MRPS27: variants seen among roughly 807,000 people sequenced by gnomAD.
MRPS27 encodes small ribosomal subunit protein mS27.
A neutral mutation model predicts 48.9 loss-of-function variants in MRPS27; 43 were observed. The ratio of observed to expected loss-of-function variants is 0.88; its 90% confidence interval spans 0.69 to 1.13. The LOEUF (loss-of-function observed/expected upper bound fraction) is 1.13. Among genes scored for constraint, MRPS27 ranks in the 50% most tolerant of loss-of-function variants. The pLI is 0.00. For missense variants in MRPS27, 467 were observed against 476.3 expected, an observed-to-expected ratio of 0.98 and a Z score of 0.18; for synonymous variants, 188 against 171.9, an observed-to-expected ratio of 1.09 and a Z score of -0.73.
At chr5:72,250,963 C>T (rs901271341) in intron 4 of MRPS27, among the ~76,000 whole-genome samples, 3 of 152,104 alleles carry the variant, frequency 2.0e-5, no homozygotes, top group Non-Finnish European at 4.4e-5. Flanking sequence ...AAAGTTATAT[C>T]CAGTTTATCT....
At chr5:72,295,295 C>CA (rs566688672) in intron 4 of MRPS27, 163 of 378,338 alleles carry the variant, frequency 4.3e-4, no homozygotes, top group African/African-American at 3.3e-3. Flanking sequence ...GTATACAATA[C>CA]AAAAAAGAGA....
In MRPS27 at chr5:72,223,709, G is replaced by A. The variant is rs1747815920; in HGVS notation, c.979C>T (p.Leu327Phe). 6.2e-7 allele frequency: 1 copy of A among 1,614,002 alleles called. No homozygotes were observed. The highest frequency in any genetic ancestry group is 8.5e-7 in the Non-Finnish European group (1 of 1,179,922). The change falls in exon 10 of 11, where the codon CTT (leucine) becomes TTT (phenylalanine). Residue 327 changes from leucine to phenylalanine, a missense_variant. Transcript: ENST00000261413. ...LDIEETEQSK[L>F]PQYLERFKAL... is the part of the protein sequence containing the mutation. Reference sequence around the variant, plus strand: ...TTAAATCGTTCCAGGTATTGAGGAAGCTTGGACTGCTCTGTTTCCTCGATG... The same window carrying A: ...TTAAATCGTTCCAGGTATTGAGGAAACTTGGACTGCTCTGTTTCCTCGATG...
At chr5:72,273,206 T>C (rs1298013386) in intron 4 of MRPS27, among the ~76,000 whole-genome samples, 1 of 152,160 alleles carries the variant, frequency 6.6e-6, no homozygotes, top group Non-Finnish European at 1.5e-5. Flanking sequence ...CAAGTAAATA[T>C]ATAAGCCTAT....
At chr5:72,250,009 A>G (rs1002991680) in intron 4 of MRPS27, among the ~76,000 whole-genome samples, 3 of 151,066 alleles carry the variant, frequency 2.0e-5, no homozygotes, top group Non-Finnish European at 4.5e-5. Context: ...AAAAACAAAA[A>G]TAACAAAAAA....
At chr5:72,254,537 C>T (rs1748746721) in intron 4 of MRPS27, among the ~76,000 whole-genome samples, 1 of 152,140 alleles carries the variant, frequency 6.6e-6, no homozygotes. Flanking sequence ...ATATGTGGAG[C>T]CTTTGCTTTA....
intron 2 of MRPS27, among the ~76,000 whole-genome samples, chr5:72,310,784 A>G (rs187016034): frequency 6.6e-6 from 1 of 152,374 alleles, no homozygotes; most frequent in East Asian, 1.9e-4. Context: ...AGAATAGCCT[A>G]TTAATCAGAA....
intron 4 of MRPS27, among the ~76,000 whole-genome samples, chr5:72,272,833 T>C (rs1248421831): frequency 1.3e-5 from 2 of 152,154 alleles, no homozygotes; most frequent in African/African-American, 4.8e-5. Flanking sequence ...TATTTGGCCC[T>C]TTACAGAAAG....
intron 5 of MRPS27, 24 bp downstream of exon 5, chr5:72,237,990 C>T: frequency 6.5e-7 from 1 of 1,532,792 alleles, no homozygotes; most frequent in Non-Finnish European, 9.0e-7. Context: ...GGAAAACAGG[C>T]TGCAGATCCA....
chr5:72,313,174 C>T (rs1004383530), intron 2 of MRPS27, among the ~76,000 whole-genome samples: 1 of 152,062 alleles, frequency 6.6e-6, no homozygotes, highest in African/African-American at 2.4e-5. Flanking sequence ...CTTGTGCAAT[C>T]ACATCATCAG....
chr5:72,319,668 C>G (rs573146109), intron 1 of MRPS27, among the ~76,000 whole-genome samples: 3 of 151,880 alleles, frequency 2.0e-5, no homozygotes, highest in East Asian at 1.9e-4. Context: ...CTCAGCCCCC[C>G]GAGTAGCTGG....
chr5:72,295,405 A>G, intron 4 of MRPS27, 126 bp downstream of exon 4: 1 of 697,922 alleles, frequency 1.4e-6, no homozygotes, highest in Non-Finnish European at 2.5e-6. Context: ...CTCTATACTC[A>G]TATGAAAAGA....
chr5:72,304,615 T>A (rs193155028), intron 2 of MRPS27, among the ~76,000 whole-genome samples: 6 of 152,342 alleles, frequency 3.9e-5, no homozygotes, highest in African/African-American at 1.4e-4. Context: ...TTTGCCAAGA[T>A]AATTTTAACC....
At chr5:72,267,479 T>C (rs1749133635) in intron 4 of MRPS27, among the ~76,000 whole-genome samples, 1 of 152,164 alleles carries the variant, frequency 6.6e-6, no homozygotes, top group Non-Finnish European at 1.5e-5. Context: ...CCTTATTTGC[T>C]CATTAAATAA....
chr5:72,291,485 CACTA>C (rs1326716311), intron 4 of MRPS27, among the ~76,000 whole-genome samples: 1 of 152,118 alleles, frequency 6.6e-6, no homozygotes, highest in African/African-American at 2.4e-5. Flanking sequence ...CATGAAATAA[CACTA>C]GCTAGCGGTA....
At chr5:72,305,781 C>T (rs1750247510) in intron 2 of MRPS27, among the ~76,000 whole-genome samples, 1 of 152,214 alleles carries the variant, frequency 6.6e-6, no homozygotes, top group Non-Finnish European at 1.5e-5. Flanking sequence ...ACACCCTACC[C>T]AGTTCCCCAG....
At chr5:72,235,273 G>C (rs1451421494) in intron 5 of MRPS27, among the ~76,000 whole-genome samples, 1 of 152,118 alleles carries the variant, frequency 6.6e-6, no homozygotes, top group Non-Finnish European at 1.5e-5. Context: ...AATCATTAAA[G>C]CTGAAAGGGA....
intron 4 of MRPS27, chr5:72,241,704 CAA>C (rs1748355732): frequency 6.5e-7 from 1 of 1,534,858 alleles, no homozygotes; most frequent in South Asian, 1.2e-5. Context: ...AGAAGAAAGG[CAA>C]AGAGAAAAGA....
chr5:72,245,137 AC>A (rs1748477746), intron 4 of MRPS27, among the ~76,000 whole-genome samples: 1 of 152,166 alleles, frequency 6.6e-6, no homozygotes, highest in Non-Finnish European at 1.5e-5. Context: ...GTGAAACTGC[AC>A]CCAGAAGCAG....
intron 2 of MRPS27, among the ~76,000 whole-genome samples, chr5:72,302,129 T>G (rs182004951): frequency 6.6e-6 from 1 of 152,310 alleles, no homozygotes; most frequent in East Asian, 1.9e-4. Context: ...AGACAGACAA[T>G]GTGGAAGTAT....
Sources: allele counts gnomAD v4.1 joint callset (sites outside exome capture counted in the v4.1 genomes callset), GRCh38; gene constraint gnomAD v4.1.1; transcripts MANE v1.5; gene names NCBI Gene and HGNC (gene_info 2026-07-23, HGNC 2026-07-21).